MYO3B: variants seen among roughly 807,000 people sequenced by gnomAD.
MYO3B encodes the protein myosin-IIIb.
MYO3B carries 156 observed loss-of-function variants against 174.6 expected under a neutral mutation model. The observed-to-expected ratio is 0.89, with a 90% CI of 0.78 to 1.02. The LOEUF (loss-of-function observed/expected upper bound fraction) is 1.02, where lower values mean the gene tolerates loss of function less well. Ranked by LOEUF, MYO3B falls within the 50% of genes least tolerant of loss-of-function variation. The probability of loss-of-function intolerance (pLI) is 0.00; values close to 1 mark genes in which losing one functional copy is unlikely to be tolerated. For missense variants in MYO3B, 1,632 were observed against 1,639.4 expected, an observed-to-expected ratio of 1.00 and a Z score of 0.08; for synonymous variants, 563 against 569.1, an observed-to-expected ratio of 0.99 and a Z score of 0.15.
intron 32 of MYO3B, among the ~76,000 whole-genome samples, chr2:170,625,737 G>T (rs189930243): frequency 8.5e-5 from 13 of 152,322 alleles, no homozygotes; most frequent in African/African-American, 3.1e-4. Flanking sequence ...GTGTCCCAGA[G>T]ATTCTGGTAT....
At chr2:170,610,197 G>A (rs746139814) in intron 32 of MYO3B, among the ~76,000 whole-genome samples, 1 of 152,110 alleles carries the variant, frequency 6.6e-6, no homozygotes, top group Non-Finnish European at 1.5e-5. Flanking sequence ...AAAATTAGAC[G>A]GGCATGGTGG....
chr2:170,490,308 G>A (rs111867349), intron 25 of MYO3B, among the ~76,000 whole-genome samples: 13,480 of 152,118 alleles, frequency 0.089, 1,598 homozygotes, highest in African/African-American at 0.27. Context: ...GATTACAGGC[G>A]TGAGCCACCG....
Position 170,471,846 on chromosome 2 carries a change from C to T in MYO3B, c.3014+5135C>T, listed in dbSNP as rs572539936. The stretch of plus-strand genomic sequence containing the variant: ...GTCTCTACTAAAAATACAAAATTAG[C>T]TGGGCATGGTGGCACATGCCTGTAA... On this transcript the variant is annotated intron_variant, in intron 25 of 34. Coordinates refer to ENST00000408978, the MANE Select transcript of MYO3B (RefSeq NM_138995.5). 1.2e-4 allele frequency among the ~76,000 whole-genome samples: 18 copies of T among 152,134 alleles called. No homozygotes were observed. In the East Asian group the frequency reaches 3.5e-3, roughly 29 times the overall value.
chr2:170,568,146 G>A (rs765749324), intron 32 of MYO3B, among the ~76,000 whole-genome samples: 1 of 152,106 alleles, frequency 6.6e-6, no homozygotes, highest in Non-Finnish European at 1.5e-5. Flanking sequence ...GCCATGACAT[G>A]GCAAAGCCTG....
rs535342658 is a variant in MYO3B at position 170,618,584 on chromosome 2, C to G, written c.3734-33044C>G. Among the ~76,000 whole-genome samples the G allele has an allele frequency of 2.7e-3, 414 of 152,182 alleles. 1 individual carries two copies. The highest frequency in any genetic ancestry group is 9.7e-3 in the African/African-American group (402 of 41,502). ...ATGCAATGGGGCTCTCTCTTTGTTCCCAGGCAGATCAGCAGGTTGGGAAAT... is the reference window on the plus strand; with the variant it reads ...ATGCAATGGGGCTCTCTCTTTGTTCGCAGGCAGATCAGCAGGTTGGGAAAT... On this transcript the variant is annotated intron_variant, in intron 32 of 34. Transcript: ENST00000408978.
chr2:170,440,229 C>T (rs2105904212), intron 22 of MYO3B, among the ~76,000 whole-genome samples: 1 of 152,232 alleles, frequency 6.6e-6, no homozygotes, highest in South Asian at 2.1e-4. Context: ...AGTCCTCCAG[C>T]TTTATTCTTT....
At chr2:170,421,304 T>A (rs944858514) in intron 22 of MYO3B, among the ~76,000 whole-genome samples, 1 of 152,164 alleles carries the variant, frequency 6.6e-6, no homozygotes, top group Non-Finnish European at 1.5e-5. Flanking sequence ...ATGAAGCCCT[T>A]ATTAGGACTC....
At chr2:170,203,500 G>T (rs1238418056) in intron 3 of MYO3B, among the ~76,000 whole-genome samples, 2 of 141,902 alleles carry the variant, frequency 1.4e-5, no homozygotes, top group East Asian at 2.0e-4. Flanking sequence ...GGGGGCGGCG[G>T]GGGGGGGAGG....
At chr2:170,283,916 T>G (rs1850685) in intron 7 of MYO3B, among the ~76,000 whole-genome samples, 140,312 of 152,256 alleles carry the variant, frequency 0.92, 65,014 homozygotes, top group Non-Finnish European at 0.97. Flanking sequence ...TGCATACATG[T>G]ACATCACTGT....
At chr2:170,621,837 T>A (rs1695946234) in intron 32 of MYO3B, among the ~76,000 whole-genome samples, 1 of 152,148 alleles carries the variant, frequency 6.6e-6, no homozygotes, top group African/African-American at 2.4e-5. Flanking sequence ...ATGACCTTTA[T>A]AATCTGAATT....
chr2:170,505,851 C>T (rs763477111), intron 28 of MYO3B, among the ~76,000 whole-genome samples: 8 of 152,344 alleles, frequency 5.3e-5, no homozygotes, highest in African/African-American at 9.6e-5. Flanking sequence ...CCCACACACA[C>T]GCACAGGAGT....
intron 23 of MYO3B, among the ~76,000 whole-genome samples, chr2:170,446,986 C>A (rs55840504): frequency 0.051 from 7,806 of 152,224 alleles, 248 homozygotes; most frequent in South Asian, 0.085. Context: ...TCAAATTCTT[C>A]TTGGTGTCCC....
At chr2:170,268,386 A>G (rs2105364303) in intron 7 of MYO3B, among the ~76,000 whole-genome samples, 1 of 152,338 alleles carries the variant, frequency 6.6e-6, no homozygotes, top group East Asian at 1.9e-4. Flanking sequence ...AACTAAAAAG[A>G]AGGAATGGTT....
intron 23 of MYO3B, among the ~76,000 whole-genome samples, chr2:170,453,923 C>T (rs1441428307): frequency 6.6e-6 from 1 of 152,164 alleles, no homozygotes; most frequent in African/African-American, 2.4e-5. Context: ...GGTCTCTGGG[C>T]AAGACGAAGA....
intron 7 of MYO3B, among the ~76,000 whole-genome samples, chr2:170,239,322 T>C (rs191527524): frequency 2.0e-5 from 3 of 152,360 alleles, no homozygotes; most frequent in Admixed American, 1.3e-4. Context: ...AGTGGAAATA[T>C]ACAATTATGT....
chr2:170,371,679 A>T (rs1027011266), intron 9 of MYO3B, among the ~76,000 whole-genome samples: 1 of 131,450 alleles, frequency 7.6e-6, no homozygotes, highest in Middle Eastern at 3.8e-3. Context: ...GTGGTTTTTC[A>T]AGTTAAAGCA....
At chr2:170,420,758 C>A (rs1007957436) in intron 22 of MYO3B, among the ~76,000 whole-genome samples, 2 of 152,114 alleles carry the variant, frequency 1.3e-5, no homozygotes, top group African/African-American at 4.8e-5. Context: ...AACTGGGTCT[C>A]CTGTTTCATT....
chr2:170,257,252 A>G (rs1645369191), intron 7 of MYO3B, among the ~76,000 whole-genome samples: 1 of 152,192 alleles, frequency 6.6e-6, no homozygotes, highest in African/African-American at 2.4e-5. Flanking sequence ...ATAGATGTCT[A>G]CAGAATATTC....
intron 32 of MYO3B, among the ~76,000 whole-genome samples, chr2:170,582,731 G>A (rs1048262837): frequency 3.3e-5 from 5 of 152,070 alleles, no homozygotes; most frequent in African/African-American, 9.7e-5. Context: ...CTGGAAAAGC[G>A]AAATAAGTAC....
Sources: allele counts gnomAD v4.1 joint callset (sites outside exome capture counted in the v4.1 genomes callset), GRCh38; gene constraint gnomAD v4.1.1; transcripts MANE v1.5; gene names NCBI Gene and HGNC (gene_info 2026-07-23, HGNC 2026-07-21).